Variants in STS observed in about 807,000 individuals in gnomAD.
STS encodes steroid sulfatase, also known as steryl-sulfatase.
STS carries 7 observed loss-of-function variants against 26.8 expected under a neutral mutation model. That is an observed-to-expected ratio of 0.26 (90% CI 0.15 to 0.49). The LOEUF (loss-of-function observed/expected upper bound fraction) is 0.49, where lower values mean the gene tolerates loss of function less well. Ranked by LOEUF, STS falls within the 20% of genes least tolerant of loss-of-function variation. The pLI, the probability that STS is intolerant of heterozygous loss-of-function variation, is 0.98. For synonymous variants in STS, 199 were observed against 189.4 expected (o/e 1.05, Z -0.42); for missense variants, 434 against 465.6 (o/e 0.93, Z 0.63).
intron 7 of STS, among the ~76,000 whole-genome samples, chrX:7,302,614 C>T (rs1926018849): frequency 8.9e-6 from 1 of 111,770 alleles, no homozygotes; most frequent in South Asian, 3.7e-4. Flanking sequence ...TACTCTAGCC[C>T]GTGGCACTTG....
At chrX:7,271,776 A>T (rs1924283095) in intron 6 of STS, among the ~76,000 whole-genome samples, 1 of 102,591 alleles carries the variant, frequency 9.7e-6, no homozygotes, top group African/African-American at 3.6e-5. Context: ...TCCTTGTTTC[A>T]TATTCTTGTA....
intron 10 of STS, among the ~76,000 whole-genome samples, chrX:7,337,900 A>C (rs1384336418): frequency 8.9e-6 from 1 of 112,282 alleles, no homozygotes; most frequent in African/African-American, 3.2e-5. Context: ...TATAATTCCA[A>C]ACTCATGAAA....
At chrX:7,238,159 TGTAC>T (rs1206473624) in intron 2 of STS, among the ~76,000 whole-genome samples, 8 of 89,991 alleles carry the variant, frequency 8.9e-5, no homozygotes, top group African/African-American at 3.2e-4. Flanking sequence ...TGTGTGTGTG[TGTAC>T]ACACAATGCG....
intron 8 of STS, among the ~76,000 whole-genome samples, chrX:7,317,062 A>T: frequency 8.9e-6 from 1 of 112,306 alleles, no homozygotes. Flanking sequence ...AGCTGTTTCT[A>T]ACAAGAGTCT....
intron 2 of STS, among the ~76,000 whole-genome samples, chrX:7,215,914 A>T (rs1229177705): frequency 9.0e-6 from 1 of 111,324 alleles, no homozygotes; most frequent in Non-Finnish European, 1.9e-5. Context: ...CCTATATTCC[A>T]TGTGTCTCTT....
intron 1 of STS, among the ~76,000 whole-genome samples, chrX:7,183,010 C>T (rs1192100827): frequency 8.9e-6 from 1 of 111,826 alleles, no homozygotes; most frequent in Non-Finnish European, 1.9e-5. Context: ...AAGACACTCG[C>T]GGAGGCATGA....
At chrX:7,198,723 C>T (rs549123416) in intron 2 of STS, among the ~76,000 whole-genome samples, 4 of 112,515 alleles carry the variant, frequency 3.6e-5, no homozygotes, top group Non-Finnish European at 5.6e-5. Flanking sequence ...CTTTCACTGT[C>T]GTAATTTTCT....
chrX:7,326,436 A>G (rs1401178027), intron 9 of STS, among the ~76,000 whole-genome samples: 1 of 111,410 alleles, frequency 9.0e-6, no homozygotes, highest in Non-Finnish European at 1.9e-5. Flanking sequence ...CAGCTTGGCC[A>G]CAACCTCTTT....
rs901173455 is a variant in STS, at chrX:7,169,934, C to A, written c.-133-20946C>A. On this transcript the variant is annotated intron_variant, in intron 1 of 10. Coordinates refer to ENST00000674429, the MANE Select transcript of STS (RefSeq NM_001320752.2). ...GTGGGTGCGGTTCCCAGAAACGGCA[C>A]CACAGAGGGTGAGCTGACTTAGTGC... Among the ~76,000 whole-genome samples the A allele has an allele frequency of 8.3e-4, 92 of 110,340 alleles. 1 individual carries two copies. Among genetic ancestry groups the A allele is most frequent in the African/African-American group, 2.6e-3 (80 of 30,313 alleles).
rs1412120836 is a variant in STS, at chrX:7,351,286, T to C, written c.*1025T>C. On this transcript the variant is annotated 3_prime_UTR_variant, in exon 11 of 11. Transcript: ENST00000674429. ...ACAAGCAATCCATGATCTATACACA[T>C]AAGCATAATTTCCTTTAGTTCTAGT... The C allele has an allele frequency of 8.9e-6, 1 of 112,162 alleles. No individual in the cohort carries two copies. The highest frequency in any genetic ancestry group is 1.9e-5 in the Non-Finnish European group (1 of 53,262). 9.2% of individuals were successfully genotyped at this position (112,162 alleles called of 1,213,427 possible). A position where few individuals can be genotyped will look rare whatever the true frequency, so the allele number is the denominator to read the frequency against.
intron 6 of STS, 24 bp from the exon 7 acceptor site, chrX:7,275,927 C>G: frequency 1.8e-6 from 2 of 1,123,441 alleles, no homozygotes; most frequent in Non-Finnish European, 1.2e-6. Flanking sequence ...TTTTTTTCCT[C>G]CCTTTTTTTT....
At chrX:7,297,691 G>A (rs1384731087) in intron 7 of STS, among the ~76,000 whole-genome samples, 4 of 111,672 alleles carry the variant, frequency 3.6e-5, no homozygotes, top group Non-Finnish European at 7.5e-5. Context: ...CATCACCGTC[G>A]AAGAGAAATT....
chrX:7,301,124 A>T (rs1271363076), intron 7 of STS, among the ~76,000 whole-genome samples: 5 of 110,878 alleles, frequency 4.5e-5, no homozygotes, highest in Non-Finnish European at 1.9e-5. Flanking sequence ...TGCATTTGAA[A>T]GGCATTTAAA....
At chrX:7,195,055 AGGACTACC>A (rs1354342442) in intron 2 of STS, among the ~76,000 whole-genome samples, 1 of 112,252 alleles carries the variant, frequency 8.9e-6, no homozygotes, top group Non-Finnish European at 1.9e-5. Context: ...ATAATCTTAT[AGGACTACC>A]ATTGTATATA....
chrX:7,294,386 A>C (rs532079455), intron 7 of STS, among the ~76,000 whole-genome samples: 1 of 111,145 alleles, frequency 9.0e-6, no homozygotes, highest in South Asian at 3.8e-4. Context: ...TGACCACGCT[A>C]AAATGGTCAT....
chrX:7,349,239 A>G (rs1309591794), intron 10 of STS, among the ~76,000 whole-genome samples: 1 of 98,898 alleles, frequency 1.0e-5, no homozygotes, highest in Non-Finnish European at 2.0e-5. Context: ...TCAAGGCTCA[A>G]GTGATTCTTC....
intron 8 of STS, among the ~76,000 whole-genome samples, chrX:7,320,317 A>T (rs1479105006): frequency 2.8e-5 from 3 of 108,475 alleles, no homozygotes; most frequent in South Asian, 7.5e-4. Context: ...GTCAAAATTA[A>T]CCTTCACATG....
chrX:7,264,150 A>G, intron 6 of STS, among the ~76,000 whole-genome samples: 1 of 111,454 alleles, frequency 9.0e-6, no homozygotes, highest in Non-Finnish European at 1.9e-5. Context: ...TGTCCTTGGT[A>G]AACATTGGGA....
At chrX:7,162,574 A>G (rs936069421) in intron 1 of STS, among the ~76,000 whole-genome samples, 1 of 109,936 alleles carries the variant, frequency 9.1e-6, no homozygotes, top group Non-Finnish European at 1.9e-5. Context: ...TTGTCTATCC[A>G]GCGATTCCCC....
Sources: gnomAD v4.1 joint callset for allele counts (sites outside exome capture counted in the v4.1 genomes callset) on GRCh38, gnomAD v4.1.1 for gene constraint, MANE v1.5 for transcripts, NCBI Gene and HGNC (gene_info 2026-07-23, HGNC 2026-07-21) for gene names.